SLCO5A1: variants seen among roughly 807,000 people sequenced by gnomAD.
SLCO5A1 encodes solute carrier organic anion transporter family member 5A1, also known as organic anion transporter polypeptide-related protein 4.
In SLCO5A1, 39 loss-of-function variants were observed where a neutral mutation model predicts 65.1. The ratio of observed to expected loss-of-function variants is 0.60; its 90% CI spans 0.46 to 0.78. The LOEUF (loss-of-function observed/expected upper bound fraction) is 0.78. SLCO5A1 is among the 30% of genes least tolerant of loss of function. The pLI, the probability that SLCO5A1 is intolerant of heterozygous loss-of-function variation, is 0.00. For missense variants in SLCO5A1, 1,029 were observed against 1,069.4 expected (o/e 0.96, Z 0.53); for synonymous variants, 438 against 415.7 (o/e 1.05, Z -0.65).
rs182283112 is a variant in SLCO5A1 at position 69,746,272 on chromosome 8, G to T, written c.1259-8068C>A. 9.9e-5 allele frequency among the ~76,000 whole-genome samples: 15 copies of T among 152,214 alleles called. No homozygotes were observed. The East Asian group carries it at 2.7e-3, about 28-fold the overall frequency. On this transcript the variant is annotated intron_variant, in intron 4 of 9. Coordinates refer to ENST00000260126, the MANE Select transcript of SLCO5A1 (RefSeq NM_030958.3). ...ATTTCCTTAGGATAGATATTGCCAG[G>T]CATTTATCTCAATACTTAAATTATT...
chr8:69,784,918 GAAAGAAAGAAAGA>G, intron 2 of SLCO5A1, among the ~76,000 whole-genome samples: 1 of 116,262 alleles, frequency 8.6e-6, no homozygotes, highest in African/African-American at 3.8e-5. Context: ...AAGAAAGAAA[GAAAGAAAGAAAGA>G]AAGAAAGAAA....
At chr8:69,714,485 G>A (rs140356263) in intron 5 of SLCO5A1, among the ~76,000 whole-genome samples, 236 of 152,224 alleles carry the variant, frequency 1.6e-3, no homozygotes, top group African/African-American at 5.2e-3. Flanking sequence ...GGGATAGCTC[G>A]CCTGGCTCAA....
At chr8:69,749,721 A>G (rs1239921519) in intron 4 of SLCO5A1, among the ~76,000 whole-genome samples, 1 of 150,032 alleles carries the variant, frequency 6.7e-6, no homozygotes, top group Non-Finnish European at 1.5e-5. Flanking sequence ...GTGTAAACTT[A>G]GCAGGAAATG....
intron 2 of SLCO5A1, among the ~76,000 whole-genome samples, chr8:69,763,612 T>A (rs1817906262): frequency 1.6e-4 from 1 of 6,358 alleles, no homozygotes; most frequent in Non-Finnish European, 3.1e-4. Context: ...AGAGCAAGAC[T>A]CCAAAAAAAA....
chr8:69,795,452 C>A (rs1394771665), intron 2 of SLCO5A1, among the ~76,000 whole-genome samples: 5 of 152,214 alleles, frequency 3.3e-5, no homozygotes, highest in Non-Finnish European at 7.4e-5. Context: ...TCCAGCAAGG[C>A]AGTCATTAAA....
Position 69,669,994 on chromosome 8 carries a change from T to C in SLCO5A1, c.*2875A>G, listed in dbSNP as rs894066820. 1 of 152,196 alleles carries C rather than the reference T, an allele frequency of 6.6e-6. No individual in the cohort carries two copies. The highest frequency in any genetic ancestry group is 1.5e-5 in the Non-Finnish European group (1 of 68,026). The allele number at this position is 152,196 out of a possible 1,614,324, so 9.4% of individuals were successfully genotyped here. ...CCAACACCTTGACTCTGAATTACTT[T>C]TGAATATTTTCAAGAATTAAATCCA... On this transcript the variant is annotated 3_prime_UTR_variant, in exon 10 of 10. Transcript: ENST00000260126.
At chr8:69,751,372 C>T (rs574628174) in intron 4 of SLCO5A1, among the ~76,000 whole-genome samples, 4 of 152,098 alleles carry the variant, frequency 2.6e-5, no homozygotes, top group South Asian at 2.1e-4. Context: ...TTCCCCTTTG[C>T]GGTGTCTTAA....
intron 2 of SLCO5A1, among the ~76,000 whole-genome samples, chr8:69,804,409 G>A (rs1402313801): frequency 6.6e-6 from 1 of 152,146 alleles, no homozygotes; most frequent in Admixed American, 6.5e-5. Flanking sequence ...CACCTTCCGA[G>A]TTCAAGCAAT....
intron 6 of SLCO5A1, among the ~76,000 whole-genome samples, chr8:69,696,508 A>G (rs963397833): frequency 2.0e-5 from 3 of 152,192 alleles, no homozygotes; most frequent in Admixed American, 2.0e-4. Context: ...ATTCTCATTT[A>G]TCCGTTGCCT....
chr8:69,691,280 C>G (rs933340092), intron 6 of SLCO5A1, among the ~76,000 whole-genome samples: 4 of 152,106 alleles, frequency 2.6e-5, no homozygotes, highest in African/African-American at 9.7e-5. Context: ...AGAGCTCTCA[C>G]GATCTTTCAA....
At position 69,669,162 on chromosome 8, in the gene SLCO5A1, G is replaced by A. The variant is rs1275628000; in HGVS notation, c.*3707C>T. ...TAAATAAATATTTGAGGTATGTTAT[G>A]ACAAATAACTTTAATATAACACTTA... On this transcript the variant is annotated 3_prime_UTR_variant, in exon 10 of 10. Transcript: ENST00000260126. 1 of 152,040 alleles carries A rather than the reference G, an allele frequency of 6.6e-6. No homozygotes were observed. The highest frequency in any genetic ancestry group is 1.5e-5 in the Non-Finnish European group (1 of 68,008). 9.4% of individuals were successfully genotyped at this position (152,040 alleles called of 1,614,324 possible). A position where few individuals can be genotyped will look rare whatever the true frequency, so the allele number is the denominator to read the frequency against.
intron 2 of SLCO5A1, among the ~76,000 whole-genome samples, chr8:69,809,733 G>A (rs942560567): frequency 6.7e-6 from 1 of 149,282 alleles, no homozygotes; most frequent in Admixed American, 6.7e-5. Context: ...TAAGGAGTGT[G>A]GTGTGTGTGT....
chr8:69,796,882 G>A (rs949417199), intron 2 of SLCO5A1, among the ~76,000 whole-genome samples: 12 of 152,054 alleles, frequency 7.9e-5, no homozygotes, highest in African/African-American at 2.9e-4. Flanking sequence ...AATGCAGCCA[G>A]ACCTTTGCTA....
chr8:69,749,277 C>G (rs1480480978), intron 4 of SLCO5A1, among the ~76,000 whole-genome samples: 3 of 152,178 alleles, frequency 2.0e-5, no homozygotes, highest in Non-Finnish European at 4.4e-5. Flanking sequence ...ATAATCACCT[C>G]TGGTATCTCT....
At chr8:69,694,841 T>G (rs909926305) in intron 6 of SLCO5A1, among the ~76,000 whole-genome samples, 1 of 152,230 alleles carries the variant, frequency 6.6e-6, no homozygotes, top group African/African-American at 2.4e-5. Flanking sequence ...TTGCAGCAGC[T>G]TCCAGCACTC....
chr8:69,730,054 A>T (rs1010748780), intron 5 of SLCO5A1, among the ~76,000 whole-genome samples: 7 of 152,238 alleles, frequency 4.6e-5, no homozygotes. Context: ...AAATGCTTTA[A>T]GATCTAATTA....
At chr8:69,699,370 G>T (rs1024822294) in intron 6 of SLCO5A1, among the ~76,000 whole-genome samples, 2 of 152,140 alleles carry the variant, frequency 1.3e-5, no homozygotes, top group African/African-American at 2.4e-5. Context: ...CAGCAGCAAG[G>T]CTTACAAGCC....
intron 5 of SLCO5A1, among the ~76,000 whole-genome samples, chr8:69,737,047 A>G (rs1228565289): frequency 6.6e-6 from 1 of 152,252 alleles, no homozygotes; most frequent in Non-Finnish European, 1.5e-5. Context: ...TCACAATTAC[A>G]ATAGTCCACA....
intron 8 of SLCO5A1, among the ~76,000 whole-genome samples, chr8:69,677,984 T>C (rs2130785669): frequency 6.6e-6 from 1 of 152,310 alleles, no homozygotes; most frequent in East Asian, 1.9e-4. Context: ...GGGTGAGCTC[T>C]TCTGGCTTCA....
Sources: gnomAD v4.1 joint callset for allele counts (sites outside exome capture counted in the v4.1 genomes callset) on GRCh38, gnomAD v4.1.1 for gene constraint, MANE v1.5 for transcripts, NCBI Gene and HGNC (gene_info 2026-07-23, HGNC 2026-07-21) for gene names.